The following SHISAL1 variants were observed in gnomAD, a reference collection of about 807,000 sequenced individuals.
SHISAL1 encodes the protein shisa like 1, also known as protein shisa-like-1.
Under a neutral mutation model 22.6 loss-of-function variants are expected in SHISAL1, and 9 were observed. The observed-to-expected ratio is 0.40, with a 90% CI of 0.24 to 0.70. SHISAL1 has a LOEUF of 0.70. Ranked by LOEUF, SHISAL1 falls within the 30% of genes least tolerant of loss-of-function variation. The pLI, the probability that SHISAL1 is intolerant of heterozygous loss-of-function variation, is 0.39. For synonymous variants in SHISAL1, 119 were observed against 115.4 expected (o/e 1.03, Z -0.20); for missense variants, 246 against 270.6 (o/e 0.91, Z 0.64).
At chr22:44,302,114 G>A (rs1220394981) in intron 1 of SHISAL1, among the ~76,000 whole-genome samples, 3 of 152,170 alleles carry the variant, frequency 2.0e-5, no homozygotes, top group Non-Finnish European at 4.4e-5. Flanking sequence ...GCCGAGGCTG[G>A]CGGATCACCT....
the SHISAL1 span, among the ~76,000 whole-genome samples, chr22:44,331,100 G>A: frequency 2.0e-5 from 3 of 151,820 alleles, no homozygotes; most frequent in African/African-American, 7.3e-5. The surrounding 1 kb of genome is among the most constrained non-coding windows in gnomAD (Gnocchi z 5.2). Flanking sequence ...GCCGCGTCCC[G>A]GCGCGGTGCG....
chr22:44,263,093 T>C (rs940940417), intron 4 of SHISAL1, among the ~76,000 whole-genome samples: 15 of 146,336 alleles, frequency 1.0e-4, no homozygotes, highest in African/African-American at 3.7e-4. Context: ...TTTTTTTTTT[T>C]TTTTTTGGAG....
Position 44,246,536 on chromosome 22 carries a change from T to TCTA in SHISAL1, c.*3146_*3148dup, listed in dbSNP as rs2147262665. ...GCATCCATCTTGTTCTCAGGGACAG[T>TCTA]CTACTCCTTGAGGGACCTTCCAGCC... On this transcript the variant is annotated 3_prime_UTR_variant, in exon 5 of 5. Coordinates refer to ENST00000381176, the MANE Select transcript of SHISAL1 (RefSeq NM_001099294.2). 1 of 152,410 alleles carries TCTA rather than the reference T, an allele frequency of 6.6e-6. No individual in the cohort carries two copies. Among genetic ancestry groups the TCTA allele is most frequent in the Admixed American group, 6.5e-5 (1 of 15,304 alleles). The allele number at this position is 152,410 out of a possible 1,614,324, so 9.4% of individuals were successfully genotyped here.
At chr22:44,297,629 G>A (rs1031889301) in intron 2 of SHISAL1, among the ~76,000 whole-genome samples, 28 of 152,352 alleles carry the variant, frequency 1.8e-4, no homozygotes, top group African/African-American at 5.3e-4. Flanking sequence ...GCTCAGGGGC[G>A]GAGGCCCCTA....
chr22:44,294,107 C>T (rs1034518396), intron 3 of SHISAL1, among the ~76,000 whole-genome samples: 3 of 152,252 alleles, frequency 2.0e-5, no homozygotes, highest in Non-Finnish European at 2.9e-5. Flanking sequence ...CACCCAAGTC[C>T]TGGCACTACC....
intron 1 of SHISAL1, among the ~76,000 whole-genome samples, chr22:44,304,398 C>G (rs1461158405): frequency 1.3e-5 from 2 of 152,236 alleles, no homozygotes; most frequent in Admixed American, 6.5e-5. Context: ...GTGGCGGGAG[C>G]TGGGACGTCA....
the SHISAL1 span, among the ~76,000 whole-genome samples, chr22:44,318,254 T>C: frequency 6.6e-6 from 1 of 152,276 alleles, no homozygotes; most frequent in South Asian, 2.1e-4. Context: ...CTAAACTGCG[T>C]AGCATCGGTC....
chr22:44,289,715 G>T (rs915907149), intron 3 of SHISAL1, among the ~76,000 whole-genome samples: 4 of 152,336 alleles, frequency 2.6e-5, no homozygotes, highest in South Asian at 2.1e-4. Context: ...CACTCCCCTG[G>T]CCTGCCACGG....
intron 4 of SHISAL1, among the ~76,000 whole-genome samples, chr22:44,256,301 T>C (rs963112818): frequency 7.2e-5 from 11 of 152,104 alleles, no homozygotes; most frequent in Admixed American, 3.9e-4. Flanking sequence ...TTGGCTCTCC[T>C]GGGTCTCAGG....
intron 4 of SHISAL1, among the ~76,000 whole-genome samples, chr22:44,263,348 G>A (rs2055139581): frequency 6.6e-6 from 1 of 152,094 alleles, no homozygotes; most frequent in South Asian, 2.1e-4. Flanking sequence ...TGGGATTACA[G>A]GCGTGAGCCA....
the SHISAL1 span, among the ~76,000 whole-genome samples, chr22:44,330,318 A>C: frequency 3.3e-5 from 5 of 152,354 alleles, no homozygotes; most frequent in South Asian, 8.3e-4. Flanking sequence ...ACAGCCGTGG[A>C]GAGGGGGCTG....
the SHISAL1 span, among the ~76,000 whole-genome samples, chr22:44,325,766 C>T: frequency 6.6e-6 from 1 of 152,024 alleles, no homozygotes; most frequent in African/African-American, 2.4e-5. Context: ...CATGTCCAGC[C>T]AGGTTGTCAC....
chr22:44,288,480 A>T (rs56747767), intron 3 of SHISAL1, among the ~76,000 whole-genome samples: 3,324 of 146,812 alleles, frequency 0.023, 247 homozygotes, highest in Admixed American at 0.17. Context: ...ACTAAAAATT[A>T]AAAAAAAAAA....
At chr22:44,250,429 G>C (rs9614405) in intron 4 of SHISAL1, among the ~76,000 whole-genome samples, 1 of 152,128 alleles carries the variant, frequency 6.6e-6, no homozygotes, top group Admixed American at 6.5e-5. Flanking sequence ...ACAGATCTGC[G>C]GGGCACTTAC....
At chr22:44,263,016 G>A (rs763695894) in intron 4 of SHISAL1, among the ~76,000 whole-genome samples, 2 of 151,744 alleles carry the variant, frequency 1.3e-5, no homozygotes, top group Non-Finnish European at 2.9e-5. Context: ...TTAGTTAGTT[G>A]GTGCTGACGG....
upstream of SHISAL1, among the ~76,000 whole-genome samples, chr22:44,315,406 GT>G (rs1370189657): frequency 6.6e-6 from 1 of 152,022 alleles, no homozygotes; most frequent in African/African-American, 2.4e-5. Context: ...AGAAAGGAGC[GT>G]TTTTTTCCGG....
intron 4 of SHISAL1, among the ~76,000 whole-genome samples, chr22:44,265,984 A>G (rs2055158687): frequency 6.6e-6 from 1 of 152,210 alleles, no homozygotes; most frequent in Non-Finnish European, 1.5e-5. Context: ...TGTCTGGATC[A>G]GGCTTCTCTG....
At chr22:44,315,031 G>A (rs766624983), upstream of SHISAL1, among the ~76,000 whole-genome samples, 1 of 152,170 alleles carries the variant, frequency 6.6e-6, no homozygotes, top group Admixed American at 6.5e-5. Context: ...ACAGCGGGAC[G>A]TGGGGTGAAG....
In SHISAL1 at chr22:44,266,404, CTTG is replaced by C. The variant is rs1004279625; in HGVS notation, c.*-16722_*-16720del. 1.5e-4 allele frequency among the ~76,000 whole-genome samples: 17 copies of C among 111,268 alleles called. No homozygotes were observed. In the South Asian group the frequency reaches 1.6e-3, roughly 11 times the overall value. The allele number at this position is 111,268 out of a possible 152,430, so 73.0% of individuals were successfully genotyped here. ...GTGTTTGTGTGTGTTTGTCGGAGGG[CTTG>C]TTGTTTGTTGGGGGGCTGTGTGTGT... is the stretch of plus-strand genomic sequence containing the variant. On this transcript the variant is annotated intron_variant, in intron 4 of 4. Coordinates refer to ENST00000381176, the MANE Select transcript of SHISAL1 (RefSeq NM_001099294.2).
Sources: gnomAD v4.1 joint callset for allele counts (sites outside exome capture counted in the v4.1 genomes callset) on GRCh38, gnomAD v4.1.1 for gene constraint, Gnocchi (gnomAD v3.1) non-coding constraint, MANE v1.5 for transcripts, NCBI Gene and HGNC (gene_info 2026-07-23, HGNC 2026-07-21) for gene names.